The following LARP1B variants were observed in gnomAD, a reference collection of about 807,000 sequenced individuals.
LARP1B encodes the protein La ribonucleoprotein 1B.
A neutral mutation model predicts 114.2 loss-of-function variants in LARP1B; 76 were observed. The ratio of observed to expected loss-of-function variants is 0.67; its 90% CI spans 0.55 to 0.81. LARP1B has a LOEUF of 0.81. Ranked by LOEUF, LARP1B falls within the 30% of genes least tolerant of loss-of-function variation. The pLI is 0.00. For missense variants in LARP1B, 1,014 were observed against 1,075.8 expected (o/e 0.94, Z 0.80); for synonymous variants, 345 against 348.0 (o/e 0.99, Z 0.10).
intron 1 of LARP1B, among the ~76,000 whole-genome samples, chr4:128,064,324 T>G (rs1033134690): frequency 2.7e-5 from 4 of 150,632 alleles, no homozygotes; most frequent in Non-Finnish European, 5.9e-5. Context: ...CATTATGTTA[T>G]GTTAACATTT....
intron 1 of LARP1B, among the ~76,000 whole-genome samples, chr4:128,062,996 C>G (rs1442773469): frequency 6.6e-6 from 1 of 152,076 alleles, no homozygotes; most frequent in East Asian, 1.9e-4. Flanking sequence ...GTGGATTGCA[C>G]GTTAGGTAAA....
rs977541196 is a variant in LARP1B, at chr4:128,074,516, A to C, written c.-21A>C. On this transcript the variant is annotated splice_region_variant and 5_prime_UTR_variant, in exon 2 of 20. Transcript: ENST00000326639. ...AAAGCTCAAGACAAAGAAATCCAAC[A>C]AGGTATGTCTTCATAGGAAATAGTT... 4.3e-6 allele frequency: 4 copies of C among 922,360 alleles called. No homozygotes were observed. Among genetic ancestry groups the C allele is most frequent in the Admixed American group, 6.2e-5 (1 of 16,236 alleles). 57.1% of individuals were successfully genotyped at this position (922,360 alleles called of 1,614,324 possible). A position where few individuals can be genotyped will look rare whatever the true frequency, so the allele number is the denominator to read the frequency against.
chr4:128,150,604 T>C (rs1732347077), intron 11 of LARP1B, among the ~76,000 whole-genome samples: 2 of 152,004 alleles, frequency 1.3e-5, no homozygotes, highest in African/African-American at 4.8e-5. Flanking sequence ...GCTTCATCTT[T>C]TTTCCCCCAC....
chr4:128,090,976 A>C, intron 5 of LARP1B, 25 bp from the exon 6 acceptor site: 1 of 1,501,470 alleles, frequency 6.7e-7, no homozygotes, highest in Non-Finnish European at 9.1e-7. Flanking sequence ...ATCGAAGTAT[A>C]TAAAAATATT....
chr4:128,181,858 T>C (rs548408581), intron 15 of LARP1B, among the ~76,000 whole-genome samples: 1 of 142,078 alleles, frequency 7.0e-6, no homozygotes, highest in Non-Finnish European at 1.5e-5. Context: ...CAGGCTGGAG[T>C]GCAGGGGTGT....
upstream of LARP1B, among the ~76,000 whole-genome samples, chr4:128,060,965 A>T (rs981318965): frequency 1.3e-5 from 2 of 152,088 alleles, no homozygotes; most frequent in African/African-American, 4.8e-5. Context: ...TCCCAGCGCC[A>T]TGTGCGCGGC....
At chr4:128,102,902 A>G (rs1002379821) in intron 8 of LARP1B, among the ~76,000 whole-genome samples, 5 of 152,196 alleles carry the variant, frequency 3.3e-5, no homozygotes, top group African/African-American at 1.2e-4. Context: ...CTTGTTTTCT[A>G]AATTGTCTGA....
intron 2 of LARP1B, among the ~76,000 whole-genome samples, 200 bp downstream of exon 2, chr4:128,074,718 TTAAA>T (rs1767119169): frequency 6.6e-6 from 1 of 152,244 alleles, no homozygotes; most frequent in Non-Finnish European, 1.5e-5. Flanking sequence ...TTTAATGTTA[TTAAA>T]TAGTGGTGAA....
intron 3 of LARP1B, among the ~76,000 whole-genome samples, chr4:128,075,269 T>G (rs945204663): frequency 6.6e-6 from 1 of 151,906 alleles, no homozygotes; most frequent in Non-Finnish European, 1.5e-5. Context: ...GCACAGCTAA[T>G]TTTTGTATTT....
intron 5 of LARP1B, among the ~76,000 whole-genome samples, chr4:128,084,113 C>T (rs1366094709): frequency 2.6e-5 from 4 of 151,856 alleles, no homozygotes; most frequent in South Asian, 2.1e-4. Flanking sequence ...GGATGGCGGC[C>T]GGCAGAGACG....
intron 9 of LARP1B, 124 bp from the exon 10 acceptor site, chr4:128,114,446 C>T: frequency 1.4e-6 from 1 of 695,446 alleles, no homozygotes; most frequent in South Asian, 2.0e-5. Context: ...GGAAAGCTTA[C>T]AGTTGAGACT....
At chr4:128,063,427 C>CAAAAAAAA (rs763868048) in intron 1 of LARP1B, among the ~76,000 whole-genome samples, 2 of 13,212 alleles carry the variant, frequency 1.5e-4, no homozygotes. Flanking sequence ...GACCCACTCT[C>CAAAAAAAA]AAAAAAAAAA....
chr4:128,093,820 C>T (rs1016667980), intron 7 of LARP1B, among the ~76,000 whole-genome samples: 1 of 150,278 alleles, frequency 6.7e-6, no homozygotes, highest in Non-Finnish European at 1.5e-5. Flanking sequence ...AAGCAATTCT[C>T]CTGCCTCAGC....
Position 128,146,993 on chromosome 4 carries a change from C to T in LARP1B, c.1525-15201C>T, listed in dbSNP as rs138932965. 3.3e-5 allele frequency among the ~76,000 whole-genome samples: 5 copies of T among 152,326 alleles called. No homozygotes were observed. The East Asian group carries it at 9.6e-4, about 29-fold the overall frequency. On this transcript the variant is annotated intron_variant, in intron 11 of 19. Coordinates refer to ENST00000326639, the MANE Select transcript of LARP1B (RefSeq NM_018078.4). The stretch of plus-strand genomic sequence containing the variant: ...ACAGAAGATAACTTCCATTGCAACA[C>T]ATTCTCCTTGATGACAGTGTCTATC...
chr4:128,151,969 A>G (rs1475286987), intron 11 of LARP1B, among the ~76,000 whole-genome samples: 3 of 152,128 alleles, frequency 2.0e-5, no homozygotes, highest in Non-Finnish European at 4.4e-5. Flanking sequence ...TGCTCTCCAG[A>G]GACATGTGAT....
intron 11 of LARP1B, among the ~76,000 whole-genome samples, chr4:128,131,742 T>C (rs1390670458): frequency 6.6e-6 from 1 of 152,106 alleles, no homozygotes; most frequent in African/African-American, 2.4e-5. Context: ...TAAATTAAAA[T>C]GGGCAGAGAA....
intron 11 of LARP1B, among the ~76,000 whole-genome samples, chr4:128,135,461 T>G (rs1435414749): frequency 6.6e-6 from 1 of 152,130 alleles, no homozygotes; most frequent in Non-Finnish European, 1.5e-5. Context: ...CTAAGAGGTA[T>G]TTGCGTGTCC....
chr4:128,176,363 G>A (rs1007977166), intron 12 of LARP1B, among the ~76,000 whole-genome samples: 10 of 149,338 alleles, frequency 6.7e-5, no homozygotes, highest in Non-Finnish European at 1.2e-4. Flanking sequence ...GCATGATCTC[G>A]GCTCACTGCA....
At chr4:128,142,672 C>G (rs1022302932) in intron 11 of LARP1B, among the ~76,000 whole-genome samples, 37 of 151,934 alleles carry the variant, frequency 2.4e-4, no homozygotes, top group Non-Finnish European at 4.4e-5. Context: ...CCACACCTGG[C>G]TAATTTTGTA....
Sources: gnomAD v4.1 joint callset for allele counts (sites outside exome capture counted in the v4.1 genomes callset) on GRCh38, gnomAD v4.1.1 for gene constraint, MANE v1.5 for transcripts, NCBI Gene and HGNC (gene_info 2026-07-23, HGNC 2026-07-21) for gene names.